Variants in RMDN2 observed in about 807,000 individuals in gnomAD.
The protein encoded by RMDN2 is regulator of microtubule dynamics protein 2.
Under a neutral mutation model 52.8 loss-of-function variants are expected in RMDN2, and 61 were observed. The ratio of observed to expected loss-of-function variants is 1.16; its 90% CI spans 0.94 to 1.43. RMDN2 has a LOEUF of 1.43. Among genes scored for constraint, RMDN2 ranks in the 40% most tolerant of loss-of-function variants. The pLI, the probability that RMDN2 is intolerant of heterozygous loss-of-function variation, is 0.00. For synonymous variants in RMDN2, 180 were observed against 153.1 expected, an observed-to-expected ratio of 1.18 and a Z score of -1.30; for missense variants, 592 against 475.3, an observed-to-expected ratio of 1.25 and a Z score of -2.28.
At chr2:37,985,481 T>A (rs899769823) in intron 5 of RMDN2, among the ~76,000 whole-genome samples, 1 of 152,146 alleles carries the variant, frequency 6.6e-6, no homozygotes, top group African/African-American at 2.4e-5. Context: ...TAACATTTTT[T>A]GGACAAGATG....
intron 10 of RMDN2, among the ~76,000 whole-genome samples, chr2:38,050,703 C>G (rs1265738615): frequency 2.0e-5 from 3 of 152,200 alleles, no homozygotes; most frequent in African/African-American, 7.2e-5. Context: ...AATGTAAGAA[C>G]AAAGAACAAT....
At chr2:38,023,096 T>C (rs1172308951) in intron 10 of RMDN2, among the ~76,000 whole-genome samples, 1 of 152,236 alleles carries the variant, frequency 6.6e-6, no homozygotes, top group Non-Finnish European at 1.5e-5. Context: ...TTAACAATTT[T>C]AAACCTCACA....
Position 37,960,880 on chromosome 2 carries a change from G to A in RMDN2, c.453-13160G>A, listed in dbSNP as rs145768930. Among the ~76,000 whole-genome samples the A allele has an allele frequency of 7.9e-5, 12 of 152,300 alleles. No homozygotes were observed. The East Asian group carries it at 2.3e-3, about 29-fold the overall frequency. On this transcript the variant is annotated intron_variant, in intron 2 of 10. Transcript: ENST00000354545. ...TCCTTCAGGAACTCTTGTAAGGCAG[G>A]CCTGGTGGTTACCAAATCCCTCAGC...
At chr2:37,923,057 T>C (rs914481600), upstream of RMDN2, 1 of 152,184 alleles carries the variant, frequency 6.6e-6, no homozygotes, top group African/African-American at 2.4e-5. Context: ...ATTCTTAGTA[T>C]GTTCTGGTTT....
At chr2:38,052,113 G>C (rs1278773218) in intron 10 of RMDN2, among the ~76,000 whole-genome samples, 1 of 152,146 alleles carries the variant, frequency 6.6e-6, no homozygotes, top group Non-Finnish European at 1.5e-5. Flanking sequence ...CATAATGGCT[G>C]TACAAATTTA....
downstream of RMDN2, among the ~76,000 whole-genome samples, chr2:38,020,192 T>C (rs187751119): frequency 3.3e-3 from 510 of 152,276 alleles, 2 homozygotes; most frequent in African/African-American, 0.012. Context: ...ATTTCTATTA[T>C]TATTACAGTG....
At chr2:37,989,239 C>T (rs1674438508) in intron 5 of RMDN2, among the ~76,000 whole-genome samples, 1 of 152,092 alleles carries the variant, frequency 6.6e-6, no homozygotes, top group Admixed American at 6.5e-5. Flanking sequence ...ATGATAGCGG[C>T]AGGTAACATT....
chr2:37,958,000 C>G (rs1669701965), intron 2 of RMDN2, among the ~76,000 whole-genome samples: 2 of 152,090 alleles, frequency 1.3e-5, no homozygotes, highest in African/African-American at 4.8e-5. Context: ...TTCCATTGGT[C>G]TATATATCTG....
At position 38,004,030 on chromosome 2, in the gene RMDN2, A is replaced by G. The variant is rs533223200; in HGVS notation, c.1084A>G (p.Met362Val). The G allele has an allele frequency of 7.4e-6, 12 of 1,613,268 alleles. No homozygotes were observed. Among genetic ancestry groups the G allele is most frequent in the African/African-American group, 4.0e-5 (3 of 75,032 alleles). ...CCCTGGTTATTCTAATCCCAATTAC[A>G]TGTACTTAGCAAAGGTAATGAAGAC... is the stretch of plus-strand genomic sequence containing the variant. ...LCPGYSNPNY[M>V]YLAKCYTDLE... The change falls in exon 9 of 11, where the codon ATG becomes GTG. Residue 362 changes from methionine to valine, a missense_variant. Coordinates refer to ENST00000354545, the MANE Select transcript of RMDN2 (RefSeq NM_001170791.3).
intron 2 of RMDN2, among the ~76,000 whole-genome samples, chr2:37,967,316 A>T (rs533526484): frequency 5.0e-4 from 76 of 152,336 alleles, no homozygotes; most frequent in African/African-American, 1.5e-3. Context: ...AGCTGCAGAG[A>T]AGAACAGAGC....
At chr2:37,950,460 C>T in intron 2 of RMDN2, 1 of 1,610,818 alleles carries the variant, frequency 6.2e-7, no homozygotes, top group Non-Finnish European at 8.5e-7. Context: ...GCCATGTTAA[C>T]TCCACATGCA....
At position 38,008,725 on chromosome 2, in the gene RMDN2, G is replaced by A. The variant is rs1677485445; in HGVS notation, c.1179+4509G>A. 2.6e-5 allele frequency among the ~76,000 whole-genome samples: 4 copies of A among 152,164 alleles called. No individual in the cohort carries two copies. The South Asian group carries it at 8.3e-4, about 32-fold the overall frequency. On this transcript the variant is annotated intron_variant, in intron 10 of 10. Transcript: ENST00000354545. The stretch of plus-strand genomic sequence containing the variant: ...TTACATTTAAAGTTAATATTGTTAT[G>A]TGTGAATTTGATCCTGTCATTATGA...
At chr2:37,956,511 G>T (rs1379669385) in intron 2 of RMDN2, among the ~76,000 whole-genome samples, 1 of 151,680 alleles carries the variant, frequency 6.6e-6, no homozygotes, top group Admixed American at 6.6e-5. Flanking sequence ...TTCCTCTATT[G>T]TTTTTCTATT....
intron 4 of RMDN2, 108 bp downstream of exon 4, chr2:37,975,422 C>T: frequency 1.6e-6 from 1 of 631,134 alleles, no homozygotes; most frequent in Non-Finnish European, 2.8e-6. Flanking sequence ...ATGGATGAAG[C>T]TGGAAACCAT....
At chr2:38,011,396 A>G (rs1247636587) in intron 10 of RMDN2, among the ~76,000 whole-genome samples, 1 of 152,212 alleles carries the variant, frequency 6.6e-6, no homozygotes, top group Non-Finnish European at 1.5e-5. Flanking sequence ...CAACAACAAA[A>G]AAATAGGTAT....
chr2:38,054,692 C>T (rs1031096426), intron 10 of RMDN2, among the ~76,000 whole-genome samples: 1 of 152,154 alleles, frequency 6.6e-6, no homozygotes, highest in African/African-American at 2.4e-5. Flanking sequence ...GCATGACCAC[C>T]TACCCATTTA....
intron 2 of RMDN2, among the ~76,000 whole-genome samples, chr2:37,934,209 A>T (rs936145646): frequency 6.6e-6 from 1 of 152,354 alleles, no homozygotes; most frequent in South Asian, 2.1e-4. Context: ...AAAATATCTA[A>T]TTATATCCTT....
intron 10 of RMDN2, among the ~76,000 whole-genome samples, chr2:38,025,723 A>C (rs1411619707): frequency 6.6e-6 from 1 of 152,024 alleles, no homozygotes; most frequent in Non-Finnish European, 1.5e-5. Flanking sequence ...AGATGATCAT[A>C]TGGTTTTACT....
intron 10 of RMDN2, among the ~76,000 whole-genome samples, chr2:38,034,386 T>C (rs567679593): frequency 1.3e-5 from 2 of 152,302 alleles, no homozygotes; most frequent in South Asian, 4.1e-4. Flanking sequence ...AGTTGCTTTA[T>C]TGGAACTGTC....
Sources: gnomAD v4.1 joint callset for allele counts (sites outside exome capture counted in the v4.1 genomes callset) on GRCh38, gnomAD v4.1.1 for gene constraint, MANE v1.5 for transcripts, NCBI Gene and HGNC (gene_info 2026-07-23, HGNC 2026-07-21) for gene names.